PCDHA13: variants seen among roughly 807,000 people sequenced by gnomAD.
PCDHA13 encodes protocadherin alpha 13.
PCDHA13 carries 54 observed loss-of-function variants against 64.8 expected under a neutral mutation model. That is an observed-to-expected ratio of 0.83 (90% CI 0.67 to 1.04). The LOEUF (loss-of-function observed/expected upper bound fraction) is 1.04, where lower values mean the gene tolerates loss of function less well. Ranked by LOEUF, PCDHA13 falls within the 50% of genes least tolerant of loss-of-function variation. PCDHA13 has a pLI of 0.00. For synonymous variants in PCDHA13, 587 were observed against 564.4 expected, an observed-to-expected ratio of 1.04 and a Z score of -0.57; for missense variants, 1,248 against 1,254.3, an observed-to-expected ratio of 0.99 and a Z score of 0.08.
chr5:140,937,492 C>T (rs1390017602), intron 1 of PCDHA13, among the ~76,000 whole-genome samples: 1 of 152,054 alleles, frequency 6.6e-6, no homozygotes, highest in African/African-American at 2.4e-5. Context: ...TGGCACATAC[C>T]CGTAATCCCA....
chr5:140,908,431 G>A (rs949756474), intron 1 of PCDHA13, among the ~76,000 whole-genome samples: 4 of 152,152 alleles, frequency 2.6e-5, no homozygotes, highest in Non-Finnish European at 5.9e-5. Context: ...GCTGCTGTGC[G>A]CACCCCACTT....
At chr5:140,961,479 C>G (rs2095615905) in intron 1 of PCDHA13, among the ~76,000 whole-genome samples, 1 of 152,108 alleles carries the variant, frequency 6.6e-6, no homozygotes, top group Non-Finnish European at 1.5e-5. Context: ...TTTGTCTTGT[C>G]CACGTGAGTA....
chr5:140,906,271 T>A (rs2072508162), intron 1 of PCDHA13, among the ~76,000 whole-genome samples: 1 of 152,180 alleles, frequency 6.6e-6, no homozygotes, highest in African/African-American at 2.4e-5. Flanking sequence ...AAATTATAGA[T>A]AATCTTCAAA....
Position 141,010,440 on chromosome 5 carries a change from A to G in PCDHA13, c.*503A>G, listed in dbSNP as rs1279403327. 3 of 984,540 alleles carry G rather than the reference A, an allele frequency of 3.0e-6. No individual in the cohort carries two copies. Among genetic ancestry groups the G allele is most frequent in the Admixed American group, 5.9e-5 (2 of 34,150 alleles). The allele number at this position is 984,540 out of a possible 1,614,324, so 61.0% of individuals were successfully genotyped here. On this transcript the variant is annotated 3_prime_UTR_variant, in exon 4 of 4. Transcript: ENST00000289272. The stretch of plus-strand genomic sequence containing the variant: ...CAAGGAAGGCAAGAAAACAAAGACA[A>G]ATAAACAGCGGAAGTTATCAGTATG...
Position 140,883,106 on chromosome 5 carries a change from T to C in PCDHA13, c.838T>C (p.Ser280Pro), listed in dbSNP as rs782515785. 1.9e-6 allele frequency: 3 copies of C among 1,614,124 alleles called. No homozygotes were observed. The highest frequency in any genetic ancestry group is 2.5e-6 in the Non-Finnish European group (3 of 1,180,012). ...TGGTACAAATGGAGATATAGTTTACTCATTTAGAAGGCCTGTATGGCCTGC... is the reference window on the plus strand; with the variant it reads ...TGGTACAAATGGAGATATAGTTTACCCATTTAGAAGGCCTGTATGGCCTGC... ...DDGTNGDIVY[S>P]FRRPVWPAVV... The change falls in exon 1 of 4, where the codon TCA becomes CCA. Residue 280 changes from serine to proline, a missense_variant. Transcript: ENST00000289272.
chr5:140,927,838 G>C, intron 1 of PCDHA13: 1 of 1,614,210 alleles, frequency 6.2e-7, no homozygotes, highest in Non-Finnish European at 8.5e-7. Context: ...GAGGGACGAA[G>C]GTGTCTTTGG....
At chr5:140,990,176 T>G (rs1294066255) in intron 3 of PCDHA13, among the ~76,000 whole-genome samples, 1 of 152,142 alleles carries the variant, frequency 6.6e-6, no homozygotes, top group Non-Finnish European at 1.5e-5. Context: ...AAAAGGTGAC[T>G]TTTAAGAACC....
intron 3 of PCDHA13, among the ~76,000 whole-genome samples, chr5:140,984,830 T>C (rs2097123075): frequency 6.6e-6 from 1 of 152,220 alleles, no homozygotes; most frequent in South Asian, 2.1e-4. Context: ...TTACCCTTTC[T>C]GTAAATTGGG....
chr5:140,906,258 C>T (rs1162219070), intron 1 of PCDHA13, among the ~76,000 whole-genome samples: 4 of 152,180 alleles, frequency 2.6e-5, no homozygotes, highest in African/African-American at 9.7e-5. Flanking sequence ...TACACACCTC[C>T]TGAAATTATA....
chr5:140,923,665 C>T (rs369836298), intron 1 of PCDHA13, among the ~76,000 whole-genome samples: 77 of 152,288 alleles, frequency 5.1e-4, no homozygotes, highest in African/African-American at 1.6e-3. Flanking sequence ...TTTGGGATAT[C>T]GTTCTCTCTT....
intron 1 of PCDHA13, among the ~76,000 whole-genome samples, chr5:140,952,639 G>C (rs2094775564): frequency 6.6e-6 from 1 of 152,102 alleles, no homozygotes; most frequent in Non-Finnish European, 1.5e-5. Flanking sequence ...ATTCCAACCT[G>C]TGCCTGGTTA....
intron 1 of PCDHA13, among the ~76,000 whole-genome samples, chr5:140,888,663 T>C (rs1278510364): frequency 6.6e-6 from 1 of 152,194 alleles, no homozygotes; most frequent in Non-Finnish European, 1.5e-5. Context: ...CACCACCTAA[T>C]GCCCTGTGCA....
intron 3 of PCDHA13, among the ~76,000 whole-genome samples, chr5:140,988,281 A>G (rs2097291171): frequency 2.0e-5 from 3 of 152,202 alleles, no homozygotes; most frequent in Admixed American, 2.0e-4. Context: ...GTCACCTGCC[A>G]TCTGACAGCC....
At chr5:140,984,132 G>A (rs1395953013) in intron 3 of PCDHA13, among the ~76,000 whole-genome samples, 1 of 152,240 alleles carries the variant, frequency 6.6e-6, no homozygotes, top group African/African-American at 2.4e-5. Context: ...GTTGCAGGAT[G>A]TGGAGGCATC....
chr5:140,967,498 T>G, intron 1 of PCDHA13: 2 of 1,613,108 alleles, frequency 1.2e-6, no homozygotes, highest in Non-Finnish European at 1.7e-6. Flanking sequence ...CACAGATCTC[T>G]GTGCGTGTCC....
intron 1 of PCDHA13, 53 bp downstream of exon 1, chr5:140,884,715 AGTT>A: frequency 6.8e-7 from 1 of 1,470,936 alleles, no homozygotes; most frequent in Non-Finnish European, 9.0e-7. Context: ...CCTTCCTTGC[AGTT>A]GTTTGTTTAA....
In PCDHA13 at chr5:141,010,436, G is replaced by C; in HGVS notation, c.*499G>C. 2 of 1,038,344 alleles carry C rather than the reference G, an allele frequency of 1.9e-6. No individual in the cohort carries two copies. Among genetic ancestry groups the C allele is most frequent in the Admixed American group, 5.8e-5 (2 of 34,296 alleles). The allele number at this position is 1,038,344 out of a possible 1,614,324, so 64.3% of individuals were successfully genotyped here. A position where few individuals can be genotyped will look rare whatever the true frequency, so the allele number is the denominator to read the frequency against. On this transcript the variant is annotated 3_prime_UTR_variant, in exon 4 of 4. Coordinates refer to ENST00000289272, the MANE Select transcript of PCDHA13 (RefSeq NM_018904.3). The stretch of plus-strand genomic sequence containing the variant: ...GGTACAAGGAAGGCAAGAAAACAAA[G>C]ACAAATAAACAGCGGAAGTTATCAG...
rs139860906 is a variant in PCDHA13, at chr5:140,989,355, C to T, written c.2542+6792C>T. On this transcript the variant is annotated intron_variant, in intron 3 of 3. Transcript: ENST00000289272. Reference sequence around the variant, plus strand: ...CTGACTCAGCTCAAAGGTGATAGGTCACCTGTGTGACTGAGAGCTTTGTGG... The same window carrying T: ...CTGACTCAGCTCAAAGGTGATAGGTTACCTGTGTGACTGAGAGCTTTGTGG... Among the ~76,000 whole-genome samples the T allele has an allele frequency of 1.6e-4, 25 of 152,258 alleles. No individual in the cohort carries two copies. In the East Asian group the frequency reaches 4.4e-3, roughly 27 times the overall value.
rs1192658029 is a variant in PCDHA13 at position 141,011,915 on chromosome 5, A to G, written c.*1978A>G. On this transcript the variant is annotated 3_prime_UTR_variant, in exon 4 of 4. Coordinates refer to ENST00000289272, the MANE Select transcript of PCDHA13 (RefSeq NM_018904.3). Reference sequence around the variant, plus strand: ...ATATTATCTATTTAGGCATTAATATAAAAGAGGTAGGAGTCTGTTATTTAA... The same window carrying G: ...ATATTATCTATTTAGGCATTAATATGAAAGAGGTAGGAGTCTGTTATTTAA... 1 of 153,728 alleles carries G rather than the reference A, an allele frequency of 6.5e-6. No homozygotes were observed. Among genetic ancestry groups the G allele is most frequent in the Admixed American group, 6.5e-5 (1 of 15,286 alleles). 9.5% of individuals were successfully genotyped at this position (153,728 alleles called of 1,614,324 possible). A position where few individuals can be genotyped will look rare whatever the true frequency, so the allele number is the denominator to read the frequency against.
Sources: gnomAD v4.1 joint callset for allele counts (sites outside exome capture counted in the v4.1 genomes callset) on GRCh38, gnomAD v4.1.1 for gene constraint, MANE v1.5 for transcripts, NCBI Gene and HGNC (gene_info 2026-07-23, HGNC 2026-07-21) for gene names.